The following SARS2 variants were observed in gnomAD, a reference collection of about 807,000 sequenced individuals.
The protein encoded by SARS2 is serine--tRNA ligase, mitochondrial.
A neutral mutation model predicts 66.8 loss-of-function variants in SARS2; 52 were observed. The observed-to-expected ratio is 0.78, with a 90% confidence interval of 0.62 to 0.98. SARS2 has a LOEUF of 0.98. SARS2 is among the 50% of genes least tolerant of loss of function. SARS2 has a pLI of 0.00. For missense variants in SARS2, 673 were observed against 706.3 expected (o/e 0.95, Z 0.53); for synonymous variants, 306 against 281.4 (o/e 1.09, Z -0.87).
In SARS2 at chr19:38,915,838, C is replaced by CA; in HGVS notation, c.1413+2dup. 1 of 1,613,694 alleles carries CA rather than the reference C, an allele frequency of 6.2e-7. No homozygotes were observed. The highest frequency in any genetic ancestry group is 1.1e-5 in the South Asian group (1 of 91,080). ...TCTCTGGGTGGGCCCCTCAGCCCCTCACCTTCTGCTGGTTACTCTCCAGGA... is the reference window on the plus strand; with the variant it reads ...TCTCTGGGTGGGCCCCTCAGCCCCTCAACCTTCTGCTGGTTACTCTCCAGGA... On this transcript the variant is annotated splice_region_variant and intron_variant, in intron 15 of 15. Transcript: ENST00000221431.
At chr19:38,921,133 C>G (rs1974526447) in intron 5 of SARS2, among the ~76,000 whole-genome samples, 1 of 152,114 alleles carries the variant, frequency 6.6e-6, no homozygotes, top group Non-Finnish European at 1.5e-5. Flanking sequence ...ACACGACACA[C>G]ACTCACACAC....
At chr19:38,915,928 A>G (rs1974405213) in intron 14 of SARS2, 22 bp from the exon 15 acceptor site, 1 of 1,613,404 alleles carries the variant, frequency 6.2e-7, no homozygotes, top group Non-Finnish European at 8.5e-7. Flanking sequence ...CCATGCTCGG[A>G]ACTGGCGCCC....
chr19:38,929,188 A>G (rs926384337), intron 1 of SARS2, among the ~76,000 whole-genome samples: 2 of 151,322 alleles, frequency 1.3e-5, no homozygotes, highest in African/African-American at 4.9e-5. Context: ...ACAAGAGCAA[A>G]ACTCCATCTC....
At chr19:38,925,920 G>T (rs1429974945) in intron 2 of SARS2, among the ~76,000 whole-genome samples, 1 of 152,136 alleles carries the variant, frequency 6.6e-6, no homozygotes, top group Admixed American at 6.5e-5. Flanking sequence ...AGGTTCAAGC[G>T]ATTCTCCTGC....
intron 1 of SARS2, 123 bp downstream of exon 1, chr19:38,930,347 G>T: frequency 7.7e-7 from 1 of 1,302,248 alleles, no homozygotes; most frequent in Non-Finnish European, 1.0e-6. Context: ...CAAGACGTTG[G>T]CTAACTTGGG....
At chr19:38,920,030 C>G in intron 6 of SARS2, 56 bp downstream of exon 6, 1 of 1,485,700 alleles carries the variant, frequency 6.7e-7, no homozygotes, top group Non-Finnish European at 9.2e-7. Flanking sequence ...CAGGAGCCAG[C>G]TGTCGGGGTG....
chr19:38,917,975 C>G lies in SARS2; in HGVS notation c.996G>C (p.Glu332Asp). 1 of 1,606,274 alleles carries G rather than the reference C, an allele frequency of 6.2e-7. No homozygotes were observed. The highest frequency in any genetic ancestry group is 8.5e-7 in the Non-Finnish European group (1 of 1,176,208). The change falls in exon 11 of 16, where the codon GAG becomes GAC. Residue 332 changes from glutamate (E) to aspartate (D), a missense_variant. Transcript: ENST00000221431. Reference protein sequence around the residue: ...MVCSSTCYRAETNTGQEPRGL... With the variant: ...MVCSSTCYRADTNTGQEPRGL... ...CCCGGGGTTCCTGTCCCGTGTTTGTCTCTGCCCGGTAGCAGGTGCTGGAGC... is the reference window on the plus strand; with the variant it reads ...CCCGGGGTTCCTGTCCCGTGTTTGTGTCTGCCCGGTAGCAGGTGCTGGAGC...
intron 12 of SARS2, among the ~76,000 whole-genome samples, chr19:38,916,581 T>C (rs984870418): frequency 7.2e-6 from 1 of 138,442 alleles, no homozygotes; most frequent in Non-Finnish European, 1.6e-5. Context: ...AAGAGGTTGA[T>C]GGGAGGGGAA....
In SARS2 at chr19:38,919,758, A is replaced by G. The variant is rs749164566; in HGVS notation, c.759+4T>C. The G allele has an allele frequency of 5.0e-6, 8 of 1,613,462 alleles. No homozygotes were observed. In the East Asian group the frequency reaches 6.7e-5, roughly 13 times the overall value. ...CCAGGCAGCCCTCCTATCTTGGCCC[A>G]TACCCGGCGGAGAAGCTTGTTGAAT... On this transcript the variant is annotated splice_donor_region_variant and intron_variant, in intron 7 of 15. Coordinates refer to ENST00000221431, the MANE Select transcript of SARS2 (RefSeq NM_017827.4).
Position 38,918,778 on chromosome 19 carries a change from G to C in SARS2, c.795C>G (p.Arg265=). The C allele has an allele frequency of 6.4e-7, 1 of 1,561,466 alleles. No individual in the cohort carries two copies. The highest frequency in any genetic ancestry group is 8.7e-7 in the Non-Finnish European group (1 of 1,152,070). ...FTPMTVPDLL[R]GAVFEGCGMT... ...AGGCCTCACTCACAAACACTGCTCCGCGGAGAAGGTCTGGCACCGTCATGG... is the reference window on the plus strand; with the variant it reads ...AGGCCTCACTCACAAACACTGCTCCCCGGAGAAGGTCTGGCACCGTCATGG... Residue 265 remains arginine, a synonymous_variant, in exon 8 of 16, where the codon CGC becomes CGG. Transcript: ENST00000221431.
intron 6 of SARS2, 48 bp downstream of exon 6, chr19:38,920,038 G>T: frequency 6.7e-7 from 1 of 1,488,886 alleles, no homozygotes; most frequent in Non-Finnish European, 9.2e-7. Flanking sequence ...AGCTGTCGGG[G>T]TGCAGGCAGC....
intron 3 of SARS2, chr19:38,922,007 G>C: frequency 6.4e-7 from 1 of 1,552,270 alleles, no homozygotes; most frequent in Non-Finnish European, 8.7e-7. Context: ...CTTACACAAG[G>C]AGAGAAAGCT....
intron 3 of SARS2, 149 bp from the exon 4 acceptor site, chr19:38,921,816 CT>C: frequency 7.5e-7 from 1 of 1,341,910 alleles, no homozygotes; most frequent in Non-Finnish European, 1.0e-6. Context: ...CAGAACTTCC[CT>C]TACCACCACA....
At chr19:38,927,002 T>C (rs1370856182) in intron 1 of SARS2, among the ~76,000 whole-genome samples, 1 of 150,536 alleles carries the variant, frequency 6.6e-6, no homozygotes, top group African/African-American at 2.4e-5. Flanking sequence ...AGTGGCATGA[T>C]CTTGGCTCAT....
chr19:38,918,591 C>G, intron 8 of SARS2, 61 bp from the exon 9 acceptor site: 1 of 1,458,650 alleles, frequency 6.9e-7, no homozygotes, highest in Non-Finnish European at 9.6e-7. Context: ...TCTCGTTTTA[C>G]AGTCCCAACC....
At chr19:38,917,548 C>A (rs1974438465) in intron 12 of SARS2, among the ~76,000 whole-genome samples, 176 bp downstream of exon 12, 1 of 152,224 alleles carries the variant, frequency 6.6e-6, no homozygotes, top group African/African-American at 2.4e-5. Flanking sequence ...TGAGGGACGA[C>A]CGGCACACGG....
chr19:38,925,726 A>T (rs1974615174), intron 2 of SARS2, among the ~76,000 whole-genome samples: 1 of 152,170 alleles, frequency 6.6e-6, no homozygotes. Context: ...TGGGCTGGGG[A>T]TGCTGGAAGA....
At chr19:38,927,367 G>A (rs1462830538) in intron 1 of SARS2, among the ~76,000 whole-genome samples, 1 of 151,394 alleles carries the variant, frequency 6.6e-6, no homozygotes, top group African/African-American at 2.4e-5. Context: ...CCAGGAGTTC[G>A]AGACCAGCCT....
At position 38,926,303 on chromosome 19, in the gene SARS2, G is replaced by T; in HGVS notation, c.268-3C>A. 1 of 1,602,978 alleles carries T rather than the reference G, an allele frequency of 6.2e-7. No homozygotes were observed. On this transcript the variant is annotated splice_polypyrimidine_tract_variant and splice_region_variant and intron_variant, in intron 1 of 15. Transcript: ENST00000221431. Reference sequence around the variant, plus strand: ...CTCAGCTCCTGCCATGTCGAGATCTGGGGTGGATATAAGAGAAAAGGAGAT... The same window carrying T: ...CTCAGCTCCTGCCATGTCGAGATCTTGGGTGGATATAAGAGAAAAGGAGAT...
Sources: gnomAD v4.1 joint callset for allele counts (sites outside exome capture counted in the v4.1 genomes callset) on GRCh38, gnomAD v4.1.1 for gene constraint, MANE v1.5 for transcripts, NCBI Gene and HGNC (gene_info 2026-07-23, HGNC 2026-07-21) for gene names.